The following KAZN variants were observed in gnomAD, a reference collection of about 807,000 sequenced individuals.
KAZN encodes kazrin, periplakin interacting protein.
Under a neutral mutation model 87.4 loss-of-function variants are expected in KAZN, and 40 were observed. That is an observed-to-expected ratio of 0.46 (90% CI 0.36 to 0.60). KAZN has a LOEUF of 0.60. Among genes scored for constraint, KAZN ranks in the 20% least tolerant of loss-of-function variants. The pLI is 0.00. For missense variants in KAZN, 898 were observed against 1,073.9 expected (o/e 0.84, Z 2.29); for synonymous variants, 466 against 458.3 (o/e 1.02, Z -0.22).
intron 1 of KAZN, among the ~76,000 whole-genome samples, chr1:14,683,325 G>A (rs558984950): frequency 8.8e-4 from 134 of 152,298 alleles, no homozygotes; most frequent in African/African-American, 3.1e-3. Context: ...CAAAGAAGAT[G>A]CGTAGGTCAA....
chr1:14,917,025 C>T (rs1657887717), intron 1 of KAZN, among the ~76,000 whole-genome samples: 2 of 152,166 alleles, frequency 1.3e-5, no homozygotes, highest in Admixed American at 6.5e-5. Context: ...CCTGTTCTGC[C>T]CGAGGACTGG....
chr1:14,346,584 C>G (rs1411901328), intron 2 of KAZN, among the ~76,000 whole-genome samples: 1 of 152,042 alleles, frequency 6.6e-6, no homozygotes, highest in Non-Finnish European at 1.5e-5. Context: ...TTTTCTATAC[C>G]TCCCCTCTGT....
intron 1 of KAZN, among the ~76,000 whole-genome samples, chr1:13,934,756 T>A (rs1369766573): frequency 6.6e-6 from 1 of 151,860 alleles, no homozygotes; most frequent in East Asian, 1.9e-4. Context: ...TTGTATTTAC[T>A]CCTTGGGCAA....
chr1:14,279,035 G>T (rs114041233), intron 2 of KAZN, among the ~76,000 whole-genome samples: 1 of 144,794 alleles, frequency 6.9e-6, no homozygotes, highest in African/African-American at 2.6e-5. Context: ...CCATCTCACA[G>T]ACTTTTTTAA....
At chr1:14,433,984 C>G (rs141180663) in intron 2 of KAZN, among the ~76,000 whole-genome samples, 3,180 of 152,348 alleles carry the variant, frequency 0.021, 52 homozygotes, top group Middle Eastern at 0.037. Context: ...GAAGGGGGAT[C>G]TCACCAGAAC....
intron 1 of KAZN, among the ~76,000 whole-genome samples, chr1:14,665,391 A>AT (rs1445347096): frequency 1.3e-5 from 2 of 152,090 alleles, no homozygotes; most frequent in African/African-American, 4.8e-5. Context: ...AAGGAATGAC[A>AT]TTTATCGACT....
chr1:14,667,023 C>A (rs1359901070), intron 1 of KAZN, among the ~76,000 whole-genome samples: 2 of 152,170 alleles, frequency 1.3e-5, no homozygotes, highest in Non-Finnish European at 2.9e-5. Flanking sequence ...AGAGAACCAA[C>A]CGTTGAATTT....
chr1:14,270,822 C>T (rs1651862983), intron 2 of KAZN, among the ~76,000 whole-genome samples: 1 of 152,104 alleles, frequency 6.6e-6, no homozygotes, highest in Non-Finnish European at 1.5e-5. Flanking sequence ...TCGATCTTCC[C>T]TTCAATGCTT....
intron 1 of KAZN, among the ~76,000 whole-genome samples, chr1:14,891,438 CT>C (rs1232446144): frequency 6.6e-6 from 1 of 152,152 alleles, no homozygotes; most frequent in Non-Finnish European, 1.5e-5. Context: ...AGTTACTTCA[CT>C]TAGAATAATA....
At chr1:14,775,055 C>A (rs1256779687) in intron 1 of KAZN, among the ~76,000 whole-genome samples, 2 of 152,242 alleles carry the variant, frequency 1.3e-5, no homozygotes, top group African/African-American at 4.8e-5. Context: ...ATACCAGGGC[C>A]CACCCACACT....
rs753554862 is a variant in KAZN, at chr1:15,077,941, A to C, written c.1222+12188A>C. Among the ~76,000 whole-genome samples the C allele has an allele frequency of 6.6e-5, 10 of 152,136 alleles. No homozygotes were observed. The highest frequency in any genetic ancestry group is 1.5e-4 in the Non-Finnish European group (10 of 68,030). On this transcript the variant is annotated intron_variant, in intron 8 of 14. Transcript: ENST00000376030. The surrounding 1 kb of genome is among the most constrained non-coding windows in gnomAD (Gnocchi z 4.8). ...GGTAGGCATTTGATGTACACTCATT[A>C]AGTCTTTCAACGAACACTGACTGAA... is the stretch of plus-strand genomic sequence containing the variant.
rs34571740 is a variant in KAZN, at chr1:14,916,912, C to CAA, written c.227-43759_227-43758dup. ...CTGGGTGACAAGCAAGACCTTGTCT[C>CAA]AAAAAAAAAAAAAATTTAACTTGGG... On this transcript the variant is annotated intron_variant, in intron 1 of 14. Transcript: ENST00000376030. 3.3e-3 allele frequency among the ~76,000 whole-genome samples: 474 copies of CAA among 141,882 alleles called. 3 individuals carry two copies. The highest frequency in any genetic ancestry group is 0.011 in the Middle Eastern group (3 of 266). The allele number at this position is 141,882 out of a possible 152,430, so 93.1% of individuals were successfully genotyped here.
chr1:14,529,280 G>C (rs536646199), intron 2 of KAZN, among the ~76,000 whole-genome samples: 1 of 152,140 alleles, frequency 6.6e-6, no homozygotes. Context: ...CCCCAGCCTC[G>C]GTGACAAGAG....
chr1:14,545,473 A>G (rs1283619222), intron 2 of KAZN, among the ~76,000 whole-genome samples: 2 of 152,200 alleles, frequency 1.3e-5, no homozygotes, highest in Non-Finnish European at 2.9e-5. Context: ...CTCTGTACCC[A>G]CAATACTTCA....
chr1:15,084,518 A>G (rs1640159653), intron 8 of KAZN, among the ~76,000 whole-genome samples: 1 of 152,268 alleles, frequency 6.6e-6, no homozygotes. Context: ...CTGTAAGCTA[A>G]CACCAGAACA....
intron 1 of KAZN, among the ~76,000 whole-genome samples, chr1:14,930,872 G>A (rs1659735269): frequency 6.6e-6 from 1 of 152,216 alleles, no homozygotes; most frequent in African/African-American, 2.4e-5. Flanking sequence ...TGGGGGCCCA[G>A]AGTGGCCCCC....
chr1:14,610,813 C>A (rs776899368), intron 1 of KAZN, among the ~76,000 whole-genome samples: 1 of 152,006 alleles, frequency 6.6e-6, no homozygotes. Flanking sequence ...CACAATAAAT[C>A]TGCCTGATTT....
intron 2 of KAZN, among the ~76,000 whole-genome samples, chr1:14,191,578 G>A (rs141551907): frequency 1.4e-4 from 22 of 152,232 alleles, no homozygotes; most frequent in African/African-American, 4.8e-4. Context: ...CAAGGAACAC[G>A]TCTGGGAGTC....
At chr1:15,084,619 G>C (rs1357461610) in intron 8 of KAZN, among the ~76,000 whole-genome samples, 1 of 152,138 alleles carries the variant, frequency 6.6e-6, no homozygotes, top group Non-Finnish European at 1.5e-5. Context: ...TTAAATTTTG[G>C]GATATAGCAA....
Sources: gnomAD v4.1 joint callset for allele counts (sites outside exome capture counted in the v4.1 genomes callset) on GRCh38, gnomAD v4.1.1 for gene constraint, Gnocchi (gnomAD v3.1) non-coding constraint, MANE v1.5 for transcripts, NCBI Gene and HGNC (gene_info 2026-07-23, HGNC 2026-07-21) for gene names.